The following LRP1B variants were observed in gnomAD, a reference collection of about 807,000 sequenced individuals.
LRP1B encodes the protein LDL receptor related protein 1B.
A neutral mutation model predicts 556.6 loss-of-function variants in LRP1B; 217 were observed. That is an observed-to-expected ratio of 0.39 (90% CI 0.35 to 0.44). The LOEUF is 0.44. LRP1B is among the 20% of genes least tolerant of loss of function. LRP1B has a pLI of 1.00. For missense variants in LRP1B, 5,053 were observed against 5,620.8 expected, an observed-to-expected ratio of 0.90 and a Z score of 3.23; for synonymous variants, 2,047 against 1,865.8, an observed-to-expected ratio of 1.10 and a Z score of -2.50.
intron 1 of LRP1B, among the ~76,000 whole-genome samples, chr2:142,125,716 C>G (rs115259709): frequency 0.031 from 4,646 of 151,820 alleles, 139 homozygotes; most frequent in Non-Finnish European, 0.038. Flanking sequence ...GTTTGTGACA[C>G]AGGTTAAATT....
intron 1 of LRP1B, among the ~76,000 whole-genome samples, chr2:141,821,166 T>C (rs191907263): frequency 6.6e-6 from 1 of 152,354 alleles, no homozygotes; most frequent in African/African-American, 2.4e-5. Flanking sequence ...ACTCAGCCCA[T>C]TGAGCACTCT....
chr2:140,565,631 C>T (rs920623894), intron 43 of LRP1B, among the ~76,000 whole-genome samples: 1 of 152,120 alleles, frequency 6.6e-6, no homozygotes, highest in South Asian at 2.1e-4. Flanking sequence ...ATCCCTAGTG[C>T]TCATTTCCCA....
intron 79 of LRP1B, among the ~76,000 whole-genome samples, chr2:140,329,297 T>C (rs959270687): frequency 2.0e-5 from 3 of 152,038 alleles, no homozygotes; most frequent in Admixed American, 6.6e-5. Context: ...TCACACTGAA[T>C]AGGCAAATGC....
chr2:142,041,894 T>C (rs1704078747), intron 1 of LRP1B, among the ~76,000 whole-genome samples: 1 of 151,542 alleles, frequency 6.6e-6, no homozygotes, highest in African/African-American at 2.4e-5. Context: ...ATTACACATG[T>C]CTTAAACTTC....
chr2:141,771,994 T>C (rs1383734691), intron 2 of LRP1B, among the ~76,000 whole-genome samples: 1 of 152,098 alleles, frequency 6.6e-6, no homozygotes, highest in Non-Finnish European at 1.5e-5. Flanking sequence ...AATTTTTGTA[T>C]TTGTAGTAGA....
chr2:141,650,074 G>A (rs1689728623), intron 2 of LRP1B, among the ~76,000 whole-genome samples: 1 of 152,176 alleles, frequency 6.6e-6, no homozygotes, highest in Admixed American at 6.5e-5. Flanking sequence ...CAGCTAGTTG[G>A]GGGGCTGAGG....
At chr2:141,095,143 C>A (rs1166575535) in intron 7 of LRP1B, among the ~76,000 whole-genome samples, 3 of 151,878 alleles carry the variant, frequency 2.0e-5, no homozygotes, top group Non-Finnish European at 2.9e-5. Context: ...TAGACGATGG[C>A]CCTTCAATCT....
At chr2:140,413,485 C>A (rs930510147) in intron 66 of LRP1B, among the ~76,000 whole-genome samples, 1 of 152,094 alleles carries the variant, frequency 6.6e-6, no homozygotes, top group Admixed American at 6.6e-5. Context: ...ATTAGTTGAA[C>A]AATTTTACCT....
chr2:141,824,694 G>T (rs352973), intron 1 of LRP1B, among the ~76,000 whole-genome samples: 32,023 of 152,178 alleles, frequency 0.21, 3,514 homozygotes, highest in East Asian at 0.32. Flanking sequence ...CTATTAATAT[G>T]TGGCACAAAC....
intron 2 of LRP1B, among the ~76,000 whole-genome samples, chr2:141,620,705 C>G (rs1688476272): frequency 6.6e-6 from 1 of 152,144 alleles, no homozygotes; most frequent in Non-Finnish European, 1.5e-5. Context: ...ATATTCTTAA[C>G]CACTGAAATC....
intron 2 of LRP1B, among the ~76,000 whole-genome samples, chr2:141,544,295 A>G (rs553199341): frequency 2.3e-5 from 1 of 43,714 alleles, no homozygotes; most frequent in South Asian, 6.3e-4. Context: ...GAAATTTACC[A>G]CTCTTCTTCT....
intron 2 of LRP1B, among the ~76,000 whole-genome samples, chr2:141,774,636 G>T (rs1211195548): frequency 6.6e-6 from 1 of 152,068 alleles, no homozygotes; most frequent in African/African-American, 2.4e-5. Context: ...TTTTCTTCTG[G>T]ATAACTGGAA....
chr2:141,887,545 G>A (rs1177312394), intron 1 of LRP1B, among the ~76,000 whole-genome samples: 3 of 152,094 alleles, frequency 2.0e-5, no homozygotes, highest in Non-Finnish European at 2.9e-5. Flanking sequence ...TCAGATGCCA[G>A]GAACACACAT....
intron 3 of LRP1B, among the ~76,000 whole-genome samples, chr2:141,414,259 A>C (rs1690995163): frequency 7.2e-6 from 1 of 138,966 alleles, no homozygotes; most frequent in African/African-American, 2.8e-5. Context: ...AAAAAGAAAA[A>C]GGAAGGAAGG....
At chr2:141,718,753 G>A (rs1312459874) in intron 2 of LRP1B, among the ~76,000 whole-genome samples, 2 of 152,100 alleles carry the variant, frequency 1.3e-5, no homozygotes, top group African/African-American at 2.4e-5. Flanking sequence ...TTCTAGTAAA[G>A]GAACAGAAGA....
intron 7 of LRP1B, among the ~76,000 whole-genome samples, chr2:141,119,164 G>A (rs936226940): frequency 1.3e-5 from 2 of 151,720 alleles, no homozygotes; most frequent in Admixed American, 1.3e-4. Flanking sequence ...TAATATAGAC[G>A]CCCTTGTTCA....
At chr2:140,461,307 C>T (rs556432994) in intron 60 of LRP1B, among the ~76,000 whole-genome samples, 2 of 152,072 alleles carry the variant, frequency 1.3e-5, no homozygotes, top group South Asian at 2.1e-4. Flanking sequence ...CCAGTTACAC[C>T]GTTCTCAGCT....
intron 1 of LRP1B, among the ~76,000 whole-genome samples, chr2:142,022,728 T>C (rs1703377037): frequency 6.6e-6 from 1 of 152,208 alleles, no homozygotes; most frequent in African/African-American, 2.4e-5. Context: ...TGGAGTGCCG[T>C]GGCACCATCT....
At chr2:140,426,924 G>A (rs942318111) in intron 66 of LRP1B, among the ~76,000 whole-genome samples, 1 of 152,112 alleles carries the variant, frequency 6.6e-6, no homozygotes, top group African/African-American at 2.4e-5. Flanking sequence ...ACCAGCCCAA[G>A]AAACATCTCA....
Sources: gnomAD v4.1 joint callset for allele counts (sites outside exome capture counted in the v4.1 genomes callset) on GRCh38, gnomAD v4.1.1 for gene constraint, MANE v1.5 for transcripts, NCBI Gene and HGNC (gene_info 2026-07-23, HGNC 2026-07-21) for gene names.